CAST: variants seen among roughly 807,000 people sequenced by gnomAD.
CAST encodes the protein MIR583 host.
CAST carries 76 observed loss-of-function variants against 119.6 expected under a neutral mutation model. The ratio of observed to expected loss-of-function variants is 0.64; its 90% CI spans 0.53 to 0.77. CAST has a LOEUF of 0.77. Ranked by LOEUF, CAST falls within the 30% of genes least tolerant of loss-of-function variation. The pLI is 0.00. For missense variants in CAST, 953 were observed against 946.5 expected, an observed-to-expected ratio of 1.01 and a Z score of -0.09; for synonymous variants, 319 against 331.6, an observed-to-expected ratio of 0.96 and a Z score of 0.41.
At chr5:96,535,763 C>T (rs975199986) in intron 1 of CAST, among the ~76,000 whole-genome samples, 23 of 150,922 alleles carry the variant, frequency 1.5e-4, no homozygotes, top group Non-Finnish European at 3.1e-4. Context: ...TTGGTAGAGA[C>T]GGGGTTTCAC....
At chr5:96,209,828 G>A in the CAST span, among the ~76,000 whole-genome samples, 3 of 151,672 alleles carry the variant, frequency 2.0e-5, no homozygotes, top group Non-Finnish European at 4.4e-5. Flanking sequence ...GTCTTGTACA[G>A]TATCTCACAG....
At chr5:96,004,948 A>G in the CAST span, among the ~76,000 whole-genome samples, 5 of 152,036 alleles carry the variant, frequency 3.3e-5, no homozygotes, top group East Asian at 9.6e-4. Context: ...ATCAGGTTAC[A>G]TACTGTAGGT....
In CAST at chr5:96,749,362, T is replaced by G. The variant is rs543548099; in HGVS notation, c.1428+749T>G. Among the ~76,000 whole-genome samples the G allele has an allele frequency of 2.4e-4, 36 of 152,328 alleles. 2 individuals carry two copies. The South Asian group carries it at 7.1e-3, about 30-fold the overall frequency. On this transcript the variant is annotated intron_variant, in intron 19 of 31. Transcript: ENST00000675179. ...TGTTACAAAGAAGAGTTTAGCTGTT[T>G]TAGTCCCTCTTTAACTCTAACATTT...
At chr5:96,739,007 T>C (rs1762192776) in intron 11 of CAST, among the ~76,000 whole-genome samples, 1 of 151,186 alleles carries the variant, frequency 6.6e-6, no homozygotes, top group African/African-American at 2.4e-5. Flanking sequence ...AAGGGTTTGT[T>C]TCTAGAATTT....
the CAST span, among the ~76,000 whole-genome samples, chr5:96,362,902 C>T: frequency 6.6e-6 from 1 of 152,248 alleles, no homozygotes; most frequent in Non-Finnish European, 1.5e-5. Flanking sequence ...GTCATGAAGT[C>T]CTTGCCCATG....
chr5:96,202,113 G>A, the CAST span, among the ~76,000 whole-genome samples: 49 of 152,028 alleles, frequency 3.2e-4, 1 homozygote, highest in African/African-American at 1.1e-3. Context: ...TGTAAATGCT[G>A]GTGCTTTTAT....
intron 16 of CAST, among the ~76,000 whole-genome samples, chr5:96,744,276 T>C (rs1763290026): frequency 1.3e-5 from 2 of 152,274 alleles, no homozygotes; most frequent in South Asian, 4.1e-4. Flanking sequence ...GACTGGGTAA[T>C]GTATAAAGGA....
At chr5:96,288,077 G>A in the CAST span, among the ~76,000 whole-genome samples, 2 of 152,112 alleles carry the variant, frequency 1.3e-5, no homozygotes, top group African/African-American at 2.4e-5. Context: ...TGGAATTTCA[G>A]TCCTTTTCTT....
chr5:96,491,523 A>AAAAAAAAAAAAAG, the CAST span, among the ~76,000 whole-genome samples: 1 of 144,202 alleles, frequency 6.9e-6, no homozygotes, highest in Non-Finnish European at 1.5e-5. Context: ...AAAAAAAAAA[A>AAAAAAAAAAAAAG]AATTAAAAAG....
At chr5:96,221,123 T>A in the CAST span, among the ~76,000 whole-genome samples, 1 of 152,148 alleles carries the variant, frequency 6.6e-6, no homozygotes, top group Non-Finnish European at 1.5e-5. Flanking sequence ...TCTGAAGTCC[T>A]AATCTCTGGT....
chr5:96,757,506 A>G lies in CAST; in HGVS notation c.1761+12A>G. On this transcript the variant is annotated intron_variant, in intron 23 of 31. Transcript: ENST00000675179. ...AGGAACAGCTTCCAGTAAGCAAACC[A>G]GTTTTCTCTGAGGATATCTTTTCCT... 6.2e-7 allele frequency: 1 copy of G among 1,613,756 alleles called. No homozygotes were observed. Among genetic ancestry groups the G allele is most frequent in the South Asian group, 1.1e-5 (1 of 91,082 alleles).
the CAST span, among the ~76,000 whole-genome samples, chr5:96,152,185 G>A: frequency 6.6e-6 from 1 of 152,184 alleles, no homozygotes; most frequent in Admixed American, 6.5e-5. Context: ...CATCAGTAGG[G>A]GCAGGTGTAA....
At chr5:96,416,601 T>A in the CAST span, among the ~76,000 whole-genome samples, 4 of 152,204 alleles carry the variant, frequency 2.6e-5, no homozygotes, top group Non-Finnish European at 5.9e-5. Flanking sequence ...TGATCAGCCT[T>A]AGTAGGATAT....
chr5:96,228,150 G>A, the CAST span, among the ~76,000 whole-genome samples: 1 of 152,102 alleles, frequency 6.6e-6, no homozygotes, highest in Non-Finnish European at 1.5e-5. Flanking sequence ...GCAAGACTAA[G>A]ACTAATGATG....
chr5:96,532,222 C>G (rs192815972), intron 1 of CAST, among the ~76,000 whole-genome samples: 1 of 152,176 alleles, frequency 6.6e-6, no homozygotes, highest in Admixed American at 6.5e-5. Flanking sequence ...AAGGATATTT[C>G]AAACAACTGG....
chr5:96,170,967 C>G, the CAST span, among the ~76,000 whole-genome samples: 1 of 151,946 alleles, frequency 6.6e-6, no homozygotes, highest in Non-Finnish European at 1.5e-5. Flanking sequence ...CGAGGAGCAG[C>G]CTGGGGAGGA....
intron 1 of CAST, among the ~76,000 whole-genome samples, chr5:96,623,025 G>T (rs1747650600): frequency 6.6e-6 from 1 of 151,558 alleles, no homozygotes; most frequent in South Asian, 2.1e-4. Flanking sequence ...CACCACACCT[G>T]GCTAATTTTT....
the CAST span, among the ~76,000 whole-genome samples, chr5:96,270,832 C>T: frequency 6.6e-6 from 1 of 151,752 alleles, no homozygotes; most frequent in African/African-American, 2.4e-5. Flanking sequence ...ATGTAACAAA[C>T]CTGCACATCC....
the CAST span, among the ~76,000 whole-genome samples, chr5:96,495,581 T>TG: frequency 6.6e-6 from 1 of 152,172 alleles, no homozygotes; most frequent in Non-Finnish European, 1.5e-5. Flanking sequence ...TCCATGTCCT[T>TG]GCAAAGAACA....
Sources: allele counts gnomAD v4.1 joint callset (sites outside exome capture counted in the v4.1 genomes callset), GRCh38; gene constraint gnomAD v4.1.1; transcripts MANE v1.5; gene names NCBI Gene and HGNC (gene_info 2026-07-23, HGNC 2026-07-21).